NRXN1: variants seen among roughly 807,000 people sequenced by gnomAD.
NRXN1 encodes the protein neurexin 1.
In NRXN1, 39 loss-of-function variants were observed where a neutral mutation model predicts 150.9. The ratio of observed to expected loss-of-function variants is 0.26; its 90% CI spans 0.20 to 0.34. The LOEUF (loss-of-function observed/expected upper bound fraction) is 0.34. Ranked by LOEUF, NRXN1 falls within the 10% of genes least tolerant of loss-of-function variation. The pLI, the probability that NRXN1 is intolerant of heterozygous loss-of-function variation, is 1.00. For missense variants in NRXN1, 1,815 were observed against 1,949.9 expected (o/e 0.93, Z 1.30); for synonymous variants, 924 against 757.0 (o/e 1.22, Z -3.62).
intron 4 of NRXN1, 106 bp downstream of exon 4, chr2:50,922,552 C>T (rs1405953089): frequency 5.2e-6 from 5 of 963,386 alleles, no homozygotes; most frequent in Admixed American, 2.0e-5. Flanking sequence ...TAATTTGCAG[C>T]CATATAATTT....
chr2:50,456,194 T>C (rs989684545), intron 17 of NRXN1, among the ~76,000 whole-genome samples: 11 of 152,148 alleles, frequency 7.2e-5, no homozygotes, highest in African/African-American at 2.7e-4. Context: ...TAAATTCTTC[T>C]ATGGTAGCTG....
chr2:50,466,041 T>C (rs1451991678), intron 16 of NRXN1, among the ~76,000 whole-genome samples: 2 of 151,524 alleles, frequency 1.3e-5, no homozygotes, highest in Admixed American at 6.6e-5. Flanking sequence ...AAAGTTATGA[T>C]TGCTGGGTGT....
At chr2:50,502,231 G>A (rs2091983871) in intron 13 of NRXN1, among the ~76,000 whole-genome samples, 1 of 151,898 alleles carries the variant, frequency 6.6e-6, no homozygotes, top group South Asian at 2.1e-4. Context: ...AAGAAGGAAG[G>A]AAGGAAGGAA....
chr2:50,235,090 G>A (rs968208922), intron 18 of NRXN1, among the ~76,000 whole-genome samples: 2 of 152,068 alleles, frequency 1.3e-5, no homozygotes, highest in Admixed American at 6.6e-5. Context: ...CAGAGTAAAA[G>A]TGTAATTGGT....
chr2:50,025,935 C>G (rs562019347), intron 21 of NRXN1, among the ~76,000 whole-genome samples: 24 of 152,322 alleles, frequency 1.6e-4, no homozygotes, highest in Non-Finnish European at 3.2e-4. Flanking sequence ...GGCCCAACTT[C>G]AGGCCAGTCC....
At chr2:50,283,121 G>C (rs1161758506) in intron 17 of NRXN1, among the ~76,000 whole-genome samples, 1 of 152,102 alleles carries the variant, frequency 6.6e-6, no homozygotes, top group African/African-American at 2.4e-5. Context: ...ATGCCTCCTG[G>C]CACACAGTAG....
At chr2:50,604,225 T>C (rs192635830) in intron 8 of NRXN1, among the ~76,000 whole-genome samples, 1 of 152,296 alleles carries the variant, frequency 6.6e-6, no homozygotes, top group Admixed American at 6.5e-5. Context: ...CAGCCTTGAT[T>C]AGGGTGAAGT....
In NRXN1 at chr2:50,329,651, A is replaced by T. The variant is rs1170291598; in HGVS notation, c.3365-92681T>A. 4.4e-3 allele frequency among the ~76,000 whole-genome samples: 41 copies of T among 9,360 alleles called. 1 individual carries two copies. Among genetic ancestry groups the T allele is most frequent in the African/African-American group, 0.029 (37 of 1,280 alleles). The allele number at this position is 9,360 out of a possible 152,430, so 6.1% of individuals were successfully genotyped here. On this transcript the variant is annotated intron_variant, in intron 17 of 22. Coordinates refer to ENST00000401669, the MANE Select transcript of NRXN1 (RefSeq NM_001330078.2). ...TATATATATATATATATATATATAT[A>T]TATATATATATATATATATATATTT...
intron 20 of NRXN1, among the ~76,000 whole-genome samples, chr2:50,054,157 T>G (rs780573422): frequency 6.6e-6 from 1 of 152,142 alleles, no homozygotes. Context: ...AAGAAATTCA[T>G]GGTTTACACT....
chr2:50,797,404 G>C (rs1706986363), intron 5 of NRXN1, among the ~76,000 whole-genome samples: 1 of 152,016 alleles, frequency 6.6e-6, no homozygotes, highest in African/African-American at 2.4e-5. Flanking sequence ...AAAGATGGAG[G>C]GGAGGAGGAA....
intron 2 of NRXN1, among the ~76,000 whole-genome samples, chr2:51,024,059 T>C (rs910875718): frequency 6.6e-6 from 1 of 152,238 alleles, no homozygotes; most frequent in Non-Finnish European, 1.5e-5. Flanking sequence ...AATTTCTTAT[T>C]GATTATCCTT....
chr2:50,517,183 G>A (rs2092655022), intron 12 of NRXN1, among the ~76,000 whole-genome samples: 1 of 151,882 alleles, frequency 6.6e-6, no homozygotes, highest in Non-Finnish European at 1.5e-5. Context: ...TTTAATCAAA[G>A]GTTTAATGCA....
chr2:50,236,480 T>C (rs925092480), intron 18 of NRXN1, among the ~76,000 whole-genome samples: 10 of 151,892 alleles, frequency 6.6e-5, no homozygotes, highest in African/African-American at 2.4e-4. Flanking sequence ...CAATAACTTA[T>C]TTTATTCATT....
At chr2:50,186,379 C>T (rs934781017) in intron 18 of NRXN1, among the ~76,000 whole-genome samples, 4 of 151,094 alleles carry the variant, frequency 2.6e-5, no homozygotes, top group Non-Finnish European at 4.4e-5. Context: ...GGATATGAAC[C>T]TCTTAAAAAG....
At chr2:50,977,463 C>CAT (rs1371897778) in intron 2 of NRXN1, among the ~76,000 whole-genome samples, 3 of 151,872 alleles carry the variant, frequency 2.0e-5, no homozygotes, top group Non-Finnish European at 4.4e-5. Context: ...AACACAACTA[C>CAT]ATATACCAAG....
chr2:50,331,423 G>A (rs989485161), intron 17 of NRXN1, among the ~76,000 whole-genome samples: 1 of 152,104 alleles, frequency 6.6e-6, no homozygotes, highest in Non-Finnish European at 1.5e-5. Context: ...AAAGTTGTGT[G>A]TGTGCATGCA....
chr2:50,638,441 T>C (rs538709578), intron 5 of NRXN1, among the ~76,000 whole-genome samples: 2 of 152,136 alleles, frequency 1.3e-5, no homozygotes, highest in Non-Finnish European at 2.9e-5. Context: ...AATAGACACA[T>C]TATAAGAGAA....
chr2:50,975,976 C>A (rs754876116), intron 2 of NRXN1, among the ~76,000 whole-genome samples: 3 of 151,976 alleles, frequency 2.0e-5, no homozygotes, highest in Non-Finnish European at 4.4e-5. Context: ...GACACTGTGG[C>A]ACAATTCTTT....
At chr2:50,339,356 C>T (rs2152991447) in intron 17 of NRXN1, among the ~76,000 whole-genome samples, 1 of 152,186 alleles carries the variant, frequency 6.6e-6, no homozygotes, top group South Asian at 2.1e-4. Flanking sequence ...AAATGTAGGT[C>T]ACATTATGCA....
Sources: gnomAD v4.1 joint callset for allele counts (sites outside exome capture counted in the v4.1 genomes callset) on GRCh38, gnomAD v4.1.1 for gene constraint, MANE v1.5 for transcripts, NCBI Gene and HGNC (gene_info 2026-07-23, HGNC 2026-07-21) for gene names.